The following LHFPL6 variants were observed in gnomAD, a reference collection of about 807,000 sequenced individuals.
LHFPL6 encodes the protein LHFPL tetraspan subfamily member 6 protein.
A neutral mutation model predicts 20.6 loss-of-function variants in LHFPL6; 9 were observed. The ratio of observed to expected loss-of-function variants is 0.44; its 90% CI spans 0.26 to 0.76. The LOEUF is 0.76. Among genes scored for constraint, LHFPL6 ranks in the 30% least tolerant of loss-of-function variants. The pLI is 0.20. For synonymous variants in LHFPL6, 105 were observed against 98.7 expected, an observed-to-expected ratio of 1.06 and a Z score of -0.38; for missense variants, 218 against 253.5, an observed-to-expected ratio of 0.86 and a Z score of 0.95.
chr13:39,405,412 A>G (rs1284814350), intron 2 of LHFPL6, among the ~76,000 whole-genome samples: 1 of 152,234 alleles, frequency 6.6e-6, no homozygotes, highest in Non-Finnish European at 1.5e-5. Context: ...CTTAATTTTG[A>G]TCAAGCATTT....
At chr13:39,362,471 G>A (rs1040732023) in intron 3 of LHFPL6, among the ~76,000 whole-genome samples, 25 of 152,258 alleles carry the variant, frequency 1.6e-4, no homozygotes, top group African/African-American at 5.5e-4. Context: ...GTGTGAGAAC[G>A]GACTAATACA....
chr13:39,511,939 G>A (rs1869720480), intron 2 of LHFPL6, among the ~76,000 whole-genome samples: 1 of 152,146 alleles, frequency 6.6e-6, no homozygotes. Context: ...CCTTCTGAAA[G>A]TTATATTTCT....
intron 2 of LHFPL6, among the ~76,000 whole-genome samples, chr13:39,555,457 C>T (rs1871278627): frequency 6.6e-6 from 1 of 152,066 alleles, no homozygotes; most frequent in Non-Finnish European, 1.5e-5. Flanking sequence ...CACACACACA[C>T]TGTGCCTCTA....
chr13:39,540,093 G>A (rs1035655735), intron 2 of LHFPL6, among the ~76,000 whole-genome samples: 10 of 152,088 alleles, frequency 6.6e-5, no homozygotes, highest in Non-Finnish European at 1.0e-4. Context: ...ACAGTGTTAA[G>A]ATAGCCTATA....
chr13:39,430,002 C>T (rs955143188), intron 2 of LHFPL6, among the ~76,000 whole-genome samples: 1 of 152,236 alleles, frequency 6.6e-6, no homozygotes, highest in African/African-American at 2.4e-5. Flanking sequence ...CTTTTTCCAT[C>T]TTATTACTTC....
At chr13:39,535,385 G>A (rs909118739) in intron 2 of LHFPL6, among the ~76,000 whole-genome samples, 3 of 152,200 alleles carry the variant, frequency 2.0e-5, no homozygotes, top group Admixed American at 2.0e-4. Flanking sequence ...GTGGCTGGGT[G>A]ATCCCAATGA....
intron 2 of LHFPL6, among the ~76,000 whole-genome samples, chr13:39,576,839 C>T (rs929199361): frequency 7.2e-5 from 11 of 152,136 alleles, no homozygotes; most frequent in African/African-American, 2.2e-4. Flanking sequence ...TGTCTCATTA[C>T]GTTGCTTGGG....
rs1485087451 is a variant in LHFPL6 at position 39,395,716 on chromosome 13, T to C, written c.386-17190A>G. On this transcript the variant is annotated intron_variant, in intron 2 of 3. Transcript: ENST00000379589. ...CTGTTTCAGTCTTTACAAGAATGAA[T>C]TTCCCACTTTCCCAGTCTTTATGAA... Among the ~76,000 whole-genome samples the C allele has an allele frequency of 2.6e-5, 4 of 152,200 alleles. No individual in the cohort carries two copies. The East Asian group carries it at 7.7e-4, about 29-fold the overall frequency.
rs1260918276 is a variant in LHFPL6 at position 39,603,025 on chromosome 13, G to A, written c.-317C>T. 2 of 152,544 alleles carry A rather than the reference G, an allele frequency of 1.3e-5. No homozygotes were observed. Among genetic ancestry groups the A allele is most frequent in the African/African-American group, 4.8e-5 (2 of 41,470 alleles). The allele number at this position is 152,544 out of a possible 1,614,324, so 9.4% of individuals were successfully genotyped here. A position where few individuals can be genotyped will look rare whatever the true frequency, so the allele number is the denominator to read the frequency against. On this transcript the variant is annotated 5_prime_UTR_variant, in exon 1 of 4. Coordinates refer to ENST00000379589, the MANE Select transcript of LHFPL6 (RefSeq NM_005780.3). ...TGTCCCTAACAGCCGCAGAACCCCG[G>A]GGCCCGACCTGGAAGAGCAGGGGTT...
At chr13:39,388,450 G>C (rs1208795406) in intron 2 of LHFPL6, among the ~76,000 whole-genome samples, 1 of 152,116 alleles carries the variant, frequency 6.6e-6, no homozygotes, top group Non-Finnish European at 1.5e-5. Flanking sequence ...ATGAAAATTT[G>C]GGGAAGATTT....
intron 2 of LHFPL6, among the ~76,000 whole-genome samples, chr13:39,575,326 T>G (rs1439528730): frequency 1.3e-5 from 2 of 152,222 alleles, no homozygotes; most frequent in Non-Finnish European, 2.9e-5. Flanking sequence ...GTACCCTTAC[T>G]TGTATTTCAG....
At chr13:39,544,608 A>G (rs574690855) in intron 2 of LHFPL6, among the ~76,000 whole-genome samples, 1 of 151,422 alleles carries the variant, frequency 6.6e-6, no homozygotes, top group Non-Finnish European at 1.5e-5. Context: ...TGCAACTTAA[A>G]TGAACAGAAA....
intron 2 of LHFPL6, among the ~76,000 whole-genome samples, chr13:39,398,291 CA>C (rs566602315): frequency 6.6e-6 from 1 of 152,148 alleles, no homozygotes; most frequent in Non-Finnish European, 1.5e-5. Context: ...CTGGATGTTA[CA>C]TGAAGATTTA....
intron 2 of LHFPL6, among the ~76,000 whole-genome samples, chr13:39,416,305 T>C (rs148606128): frequency 3.0e-4 from 46 of 151,796 alleles, no homozygotes; most frequent in African/African-American, 1.1e-3. Context: ...TTGAGAACAA[T>C]GCCAGACATA....
chr13:39,374,318 G>T (rs1163233971), intron 3 of LHFPL6, among the ~76,000 whole-genome samples: 1 of 152,084 alleles, frequency 6.6e-6, no homozygotes, highest in East Asian at 1.9e-4. Context: ...TAATAAGTGG[G>T]AGCTAAACAC....
At chr13:39,552,171 T>C (rs968818306) in intron 2 of LHFPL6, among the ~76,000 whole-genome samples, 1 of 152,166 alleles carries the variant, frequency 6.6e-6, no homozygotes, top group South Asian at 2.1e-4. Context: ...ATTCACAAGG[T>C]TCAAAATAAA....
intron 2 of LHFPL6, among the ~76,000 whole-genome samples, chr13:39,396,763 TTTAACC>T (rs1870852688): frequency 6.6e-6 from 1 of 152,094 alleles, no homozygotes; most frequent in Non-Finnish European, 1.5e-5. Flanking sequence ...GCCACTGCAC[TTTAACC>T]TGGGTGACAG....
At chr13:39,577,763 G>A (rs1004330124) in intron 2 of LHFPL6, among the ~76,000 whole-genome samples, 1 of 151,938 alleles carries the variant, frequency 6.6e-6, no homozygotes, top group African/African-American at 2.4e-5. Flanking sequence ...TCCCAAGGGT[G>A]GGACTAGCTA....
intron 2 of LHFPL6, among the ~76,000 whole-genome samples, chr13:39,453,726 A>G (rs1017880103): frequency 1.3e-5 from 2 of 152,234 alleles, no homozygotes; most frequent in Non-Finnish European, 2.9e-5. Context: ...CTGGGCAGGT[A>G]GTCCATTCAT....
Sources: allele counts gnomAD v4.1 joint callset (sites outside exome capture counted in the v4.1 genomes callset), GRCh38; gene constraint gnomAD v4.1.1; transcripts MANE v1.5; gene names NCBI Gene and HGNC (gene_info 2026-07-23, HGNC 2026-07-21).